Variants in ERICH1 observed in about 807,000 individuals in gnomAD.
The protein encoded by ERICH1 is glutamate-rich protein 1.
Under a neutral mutation model 39.6 loss-of-function variants are expected in ERICH1, and 56 were observed. That is an observed-to-expected ratio of 1.41 (90% confidence interval 1.14 to 1.77). ERICH1 has a LOEUF of 1.77. Among genes scored for constraint, ERICH1 ranks in the 40% most tolerant of loss-of-function variants. ERICH1 has a pLI of 0.00. For synonymous variants in ERICH1, 313 were observed against 223.6 expected (o/e 1.40, Z -3.57); for missense variants, 826 against 575.4 (o/e 1.44, Z -4.45).
intron 2 of ERICH1, among the ~76,000 whole-genome samples, chr8:707,650 C>T (rs1616976): frequency 0.5 from 75,289 of 151,988 alleles, 19,271 homozygotes; most frequent in Non-Finnish European, 0.56. Flanking sequence ...CAGCTGAAAA[C>T]GGATCAAGGA....
chr8:730,090 T>A (rs1426550691), intron 1 of ERICH1, among the ~76,000 whole-genome samples: 1 of 152,186 alleles, frequency 6.6e-6, no homozygotes, highest in Non-Finnish European at 1.5e-5. Flanking sequence ...GAGAGGGTCA[T>A]GAACAAGGTA....
chr8:671,680 T>C (rs62487382), intron 4 of ERICH1: 4,734 of 143,562 alleles, frequency 0.033, 186 homozygotes, highest in East Asian at 0.14. Context: ...CTAATGTCTG[T>C]GCTCACTGGG....
intron 2 of ERICH1, among the ~76,000 whole-genome samples, chr8:693,721 T>C (rs1035526756): frequency 2.6e-5 from 4 of 151,746 alleles, no homozygotes; most frequent in Admixed American, 2.6e-4. Flanking sequence ...GGACGGCGGC[T>C]GGAACCTCCC....
At chr8:617,346 C>A (rs11781021) in intron 3 of ERICH1, among the ~76,000 whole-genome samples, 28,081 of 152,140 alleles carry the variant, frequency 0.18, 2,800 homozygotes, top group East Asian at 0.3. Flanking sequence ...TCCAGAGTAT[C>A]CCCTTTGCTC....
At chr8:712,050 C>T (rs987807176) in intron 2 of ERICH1, among the ~76,000 whole-genome samples, 11 of 152,168 alleles carry the variant, frequency 7.2e-5, no homozygotes, top group African/African-American at 2.7e-4. Flanking sequence ...CTGTAGATTT[C>T]TGGTAAGTAA....
rs184661042 is a variant in ERICH1 at position 711,540 on chromosome 8, C to G, written c.169+4321G>C. ...TTGAGATGGAGTCTTGCTCTGTCACCCAGGCCGGACTGCAGTGGCAACATC... is the reference window on the plus strand; with the variant it reads ...TTGAGATGGAGTCTTGCTCTGTCACGCAGGCCGGACTGCAGTGGCAACATC... On this transcript the variant is annotated intron_variant, in intron 2 of 5. Coordinates refer to ENST00000262109, the MANE Select transcript of ERICH1 (RefSeq NM_207332.3). 4.0e-4 allele frequency among the ~76,000 whole-genome samples: 61 copies of G among 151,780 alleles called. 1 individual carries two copies. The East Asian group carries it at 9.7e-3, about 24-fold the overall frequency.
intron 3 of ERICH1, chr8:616,562 A>G: frequency 2.2e-6 from 1 of 455,992 alleles, no homozygotes; most frequent in South Asian, 1.5e-5. Context: ...ACTGGAGCTG[A>G]AAAACAGATC....
intron 3 of ERICH1, chr8:616,194 G>A (rs192254220): frequency 3.4e-4 from 72 of 209,464 alleles, no homozygotes; most frequent in African/African-American, 1.3e-3. Context: ...AAGAAATTCC[G>A]TAACCTGAAA....
intron 2 of ERICH1, among the ~76,000 whole-genome samples, chr8:709,327 A>G (rs1363862077): frequency 6.6e-6 from 1 of 152,172 alleles, no homozygotes; most frequent in Non-Finnish European, 1.5e-5. Flanking sequence ...ATGTGAGACC[A>G]TGTCACCGAG....
chr8:707,310 C>T (rs1472806891), intron 2 of ERICH1, among the ~76,000 whole-genome samples: 3 of 150,790 alleles, frequency 2.0e-5, no homozygotes, highest in African/African-American at 4.9e-5. Context: ...CGGGTTCAAG[C>T]GACTCTACTG....
rs149203963 is a variant in ERICH1, at chr8:682,714, G to C, written c.305-8667C>G. Among the ~76,000 whole-genome samples the C allele has an allele frequency of 2.1e-3, 313 of 152,326 alleles. 1 individual carries two copies. The highest frequency in any genetic ancestry group is 6.4e-3 in the African/African-American group (264 of 41,558). On this transcript the variant is annotated intron_variant, in intron 3 of 5. Coordinates refer to ENST00000262109, the MANE Select transcript of ERICH1 (RefSeq NM_207332.3). Reference sequence around the variant, plus strand: ...GTCAAAACTCTCTCTGCTACTATTTGACACCTACATTCTGATGAACTGCTG... The same window carrying C: ...GTCAAAACTCTCTCTGCTACTATTTCACACCTACATTCTGATGAACTGCTG...
intron 3 of ERICH1, among the ~76,000 whole-genome samples, chr8:691,478 C>T (rs1808900739): frequency 6.6e-6 from 1 of 152,246 alleles, no homozygotes; most frequent in Non-Finnish European, 1.5e-5. Flanking sequence ...AGAGCGCCAA[C>T]CGCGGACAAC....
At chr8:679,536 C>A (rs1033758161) in intron 3 of ERICH1, among the ~76,000 whole-genome samples, 2 of 152,174 alleles carry the variant, frequency 1.3e-5, no homozygotes, top group Non-Finnish European at 2.9e-5. Context: ...GGGAGGGCCA[C>A]GGGCCCATCT....
chr8:716,683 T>C (rs761650950), intron 1 of ERICH1, among the ~76,000 whole-genome samples: 3 of 152,212 alleles, frequency 2.0e-5, no homozygotes, highest in Admixed American at 2.0e-4. Flanking sequence ...GTGTGGTTAA[T>C]AAACAGGCAG....
intron 3 of ERICH1, among the ~76,000 whole-genome samples, chr8:687,839 G>T (rs545038067): frequency 6.6e-6 from 1 of 152,184 alleles, no homozygotes. Flanking sequence ...AGAGGCCCCG[G>T]ATGCAGCGGT....
intron 3 of ERICH1, among the ~76,000 whole-genome samples, chr8:655,046 A>G (rs916946606): frequency 7.2e-5 from 11 of 152,198 alleles, no homozygotes; most frequent in African/African-American, 2.7e-4. Flanking sequence ...CCAGCTCACT[A>G]CAGAAAGCCG....
chr8:626,709 C>T (rs528889996), intron 3 of ERICH1: 100 of 173,100 alleles, frequency 5.8e-4, no homozygotes, highest in Admixed American at 1.6e-3. Flanking sequence ...TTCCAGCTGG[C>T]GTCTGTCTCT....
chr8:694,290 G>C (rs1302863339), intron 2 of ERICH1, among the ~76,000 whole-genome samples: 1 of 152,178 alleles, frequency 6.6e-6, no homozygotes. Flanking sequence ...CCGGAGCCAA[G>C]GGCAGATGGA....
chr8:653,873 G>A (rs1165083353), intron 3 of ERICH1, among the ~76,000 whole-genome samples: 2 of 129,068 alleles, frequency 1.5e-5, no homozygotes, highest in African/African-American at 5.9e-5. Context: ...TGCGCGCAGG[G>A]GAATCTGGAC....
Sources: allele counts gnomAD v4.1 joint callset (sites outside exome capture counted in the v4.1 genomes callset), GRCh38; gene constraint gnomAD v4.1.1; transcripts MANE v1.5; gene names NCBI Gene and HGNC (gene_info 2026-07-23, HGNC 2026-07-21).